The following KCNC1 variants were observed in gnomAD, a reference collection of about 807,000 sequenced individuals.
KCNC1 encodes the protein voltage-gated potassium channel KCNC1.
A neutral mutation model predicts 43.4 loss-of-function variants in KCNC1; 8 were observed. That is an observed-to-expected ratio of 0.18 (90% CI 0.11 to 0.33). The LOEUF (loss-of-function observed/expected upper bound fraction) is 0.33. Ranked by LOEUF, KCNC1 falls within the 10% of genes least tolerant of loss-of-function variation. KCNC1 has a pLI of 1.00. For synonymous variants in KCNC1, 361 were observed against 360.5 expected (o/e 1.00, Z -0.01); for missense variants, 420 against 836.0 (o/e 0.50, Z 6.14).
At chr11:17,746,553 C>A (rs1172785549) in intron 1 of KCNC1, among the ~76,000 whole-genome samples, 1 of 152,084 alleles carries the variant, frequency 6.6e-6, no homozygotes, top group Non-Finnish European at 1.5e-5. Flanking sequence ...CTTCCCTGTC[C>A]CCTCCTTGTC....
chr11:17,738,580 C>T (rs1848797668), intron 1 of KCNC1, among the ~76,000 whole-genome samples: 1 of 152,160 alleles, frequency 6.6e-6, no homozygotes, highest in Admixed American at 6.5e-5. Flanking sequence ...TCAGGGCAGG[C>T]AGGGGGCAGT....
chr11:17,763,139 G>A (rs1373078411), intron 1 of KCNC1, among the ~76,000 whole-genome samples: 2 of 152,268 alleles, frequency 1.3e-5, no homozygotes, highest in East Asian at 1.9e-4. Flanking sequence ...GAGGTGAGCC[G>A]TTGTCTCTTT....
At chr11:17,762,834 G>A (rs961210805) in intron 1 of KCNC1, among the ~76,000 whole-genome samples, 18 of 151,970 alleles carry the variant, frequency 1.2e-4, no homozygotes, top group Admixed American at 7.9e-4. Context: ...ATTCCCACCC[G>A]CCAGGCAGCT....
In KCNC1 at chr11:17,739,039, T is replaced by C. The variant is rs1176198653; in HGVS notation, c.570+2467T>C. On this transcript the variant is annotated intron_variant, in intron 1 of 3. Coordinates refer to ENST00000265969, the MANE Select transcript of KCNC1 (RefSeq NM_001112741.2). The surrounding 1 kb of genome is among the most constrained non-coding windows in gnomAD (Gnocchi z 4.2). Reference sequence around the variant, plus strand: ...CCCAGCTTCCTGCCGCCCGCCCGGCTGGCCTAGCTGCACTGCGCTGCCTCT... The same window carrying C: ...CCCAGCTTCCTGCCGCCCGCCCGGCCGGCCTAGCTGCACTGCGCTGCCTCT... Among the ~76,000 whole-genome samples, 1 of 152,200 alleles carries C rather than the reference T, an allele frequency of 6.6e-6. No individual in the cohort carries two copies. The highest frequency in any genetic ancestry group is 2.4e-5 in the African/African-American group (1 of 41,464).
chr11:17,740,648 G>A (rs146876822), intron 1 of KCNC1, among the ~76,000 whole-genome samples: 2 of 152,136 alleles, frequency 1.3e-5, no homozygotes, highest in African/African-American at 4.8e-5. Context: ...TCCTGTGTGT[G>A]TGTGTTTGTG....
At chr11:17,754,901 C>T (rs1333009483) in intron 1 of KCNC1, among the ~76,000 whole-genome samples, 1 of 152,212 alleles carries the variant, frequency 6.6e-6, no homozygotes, top group Non-Finnish European at 1.5e-5. Context: ...ACATCTTAAC[C>T]ACTCTAAACC....
chr11:17,772,682 T>C, intron 2 of KCNC1, 84 bp downstream of exon 2: 1 of 1,548,846 alleles, frequency 6.5e-7, no homozygotes, highest in Non-Finnish European at 8.7e-7. Context: ...TCAGACTGCT[T>C]CCTTAGTTCC....
rs1565154791 is a variant in KCNC1, at chr11:17,742,918, TG to T, written c.570+6351del. Among the ~76,000 whole-genome samples the T allele has an allele frequency of 6.6e-6, 1 of 152,132 alleles. No individual in the cohort carries two copies. The highest frequency in any genetic ancestry group is 2.4e-5 in the African/African-American group (1 of 41,422). On this transcript the variant is annotated intron_variant, in intron 1 of 3. Coordinates refer to ENST00000265969, the MANE Select transcript of KCNC1 (RefSeq NM_001112741.2). The surrounding 1 kb of genome is among the most constrained non-coding windows in gnomAD (Gnocchi z 4.2). ...TATCTACTCCCATTAATTTCCTTCC[TG>T]GGGGAAGTGGAATACACAGATACCT...
chr11:17,759,687 C>T (rs1240970318), intron 1 of KCNC1, among the ~76,000 whole-genome samples: 4 of 152,028 alleles, frequency 2.6e-5, no homozygotes, highest in Non-Finnish European at 5.9e-5. Context: ...GATGGGAGAA[C>T]AGCCAGTCAG....
In KCNC1 at chr11:17,776,158, G is replaced by C. The variant is rs1849284941; in HGVS notation, c.1505-3298G>C. 2 of 985,272 alleles carry C rather than the reference G, an allele frequency of 2.0e-6. No homozygotes were observed. The highest frequency in any genetic ancestry group is 1.7e-5 in the African/African-American group (1 of 57,198). The allele number at this position is 985,272 out of a possible 1,614,324, so 61.0% of individuals were successfully genotyped here. ...GAAGTGACGCCAGGGGCCAGGCATG[G>C]GTGTTCTTTTCCGTGTTGTTCACAT... On this transcript the variant is annotated intron_variant, in intron 2 of 3. Transcript: ENST00000265969. The surrounding 1 kb of genome is among the most constrained non-coding windows in gnomAD (Gnocchi z 4.4).
intron 1 of KCNC1, among the ~76,000 whole-genome samples, chr11:17,755,317 A>C (rs1354571063): frequency 6.6e-6 from 1 of 152,202 alleles, no homozygotes; most frequent in African/African-American, 2.4e-5. Context: ...TCCTCCTCTG[A>C]GAGAAATAGG....
At chr11:17,769,781 T>C (rs1403401573) in intron 1 of KCNC1, among the ~76,000 whole-genome samples, 3 of 152,160 alleles carry the variant, frequency 2.0e-5, no homozygotes, top group Non-Finnish European at 4.4e-5. Flanking sequence ...GGACCACACT[T>C]GATAGTGGCT....
At chr11:17,744,409 C>T (rs1848875685) in intron 1 of KCNC1, among the ~76,000 whole-genome samples, 1 of 152,194 alleles carries the variant, frequency 6.6e-6, no homozygotes, top group Non-Finnish European at 1.5e-5. Flanking sequence ...AAAGCTTCCT[C>T]CTACATTCAT....
intron 1 of KCNC1, among the ~76,000 whole-genome samples, chr11:17,761,586 T>A (rs554637483): frequency 6.6e-6 from 1 of 152,206 alleles, no homozygotes; most frequent in African/African-American, 2.4e-5. Context: ...CATAGGCATA[T>A]GGTTCGTGGC....
At position 17,781,613 on chromosome 11, in the gene KCNC1, C is replaced by T. The variant is rs1453675032; in HGVS notation, c.1694-57C>T. ...TCCTTCTTAAAAACTAAGTACCAAG[C>T]GGGATGGGAGAGCCAAGAAGAGAAG... On this transcript the variant is annotated intron_variant, in intron 3 of 3. Coordinates refer to ENST00000265969, the MANE Select transcript of KCNC1 (RefSeq NM_001112741.2). The surrounding 1 kb of genome is among the most constrained non-coding windows in gnomAD (Gnocchi z 5.1). The T allele has an allele frequency of 8.4e-6, 10 of 1,195,920 alleles. No homozygotes were observed. The highest frequency in any genetic ancestry group is 4.0e-5 in the Admixed American group (2 of 49,542). The allele number at this position is 1,195,920 out of a possible 1,614,324, so 74.1% of individuals were successfully genotyped here. A position where few individuals can be genotyped will look rare whatever the true frequency, so the allele number is the denominator to read the frequency against.
chr11:17,777,226 A>ACAGAGG lies in KCNC1; in HGVS notation c.1505-2218_1505-2213dup, dbSNP rs957289743. On this transcript the variant is annotated intron_variant, in intron 2 of 3. Transcript: ENST00000265969. The surrounding 1 kb of genome is among the most constrained non-coding windows in gnomAD (Gnocchi z 4.3). ...AAGGGTCTCAGGCGGCACCATCTCC[A>ACAGAGG]CAGAGGCAGAGGCAGAGAGAAGGCA... 2.0e-5 allele frequency: 20 copies of ACAGAGG among 985,672 alleles called. No homozygotes were observed. The highest frequency in any genetic ancestry group is 5.2e-5 in the African/African-American group (3 of 57,172). The allele number at this position is 985,672 out of a possible 1,614,324, so 61.1% of individuals were successfully genotyped here.
At chr11:17,752,014 A>G (rs975722147) in intron 1 of KCNC1, among the ~76,000 whole-genome samples, 3 of 152,046 alleles carry the variant, frequency 2.0e-5, no homozygotes, top group Admixed American at 2.0e-4. Flanking sequence ...GCCGCAGAAG[A>G]CCCTGGCTCA....
intron 1 of KCNC1, among the ~76,000 whole-genome samples, chr11:17,760,171 T>C (rs1397089997): frequency 6.6e-6 from 1 of 151,990 alleles, no homozygotes; most frequent in Non-Finnish European, 1.5e-5. Flanking sequence ...AGAAAAGAAA[T>C]AGCTATACCC....
chr11:17,756,745 CG>C (rs1849027160), intron 1 of KCNC1, among the ~76,000 whole-genome samples: 1 of 151,948 alleles, frequency 6.6e-6, no homozygotes, highest in African/African-American at 2.4e-5. Context: ...AGTTGGGGGG[CG>C]GGGGTGTGTG....
Sources: gnomAD v4.1 joint callset for allele counts (sites outside exome capture counted in the v4.1 genomes callset) on GRCh38, gnomAD v4.1.1 for gene constraint, Gnocchi (gnomAD v3.1) non-coding constraint, MANE v1.5 for transcripts, NCBI Gene and HGNC (gene_info 2026-07-23, HGNC 2026-07-21) for gene names.